COP1: variants seen among roughly 807,000 people sequenced by gnomAD.
The protein encoded by COP1 is E3 ubiquitin-protein ligase COP1.
COP1 carries 24 observed loss-of-function variants against 101.3 expected under a neutral mutation model. That is an observed-to-expected ratio of 0.24 (90% CI 0.17 to 0.33). The LOEUF (loss-of-function observed/expected upper bound fraction) is 0.33, where lower values mean the gene tolerates loss of function less well. Among genes scored for constraint, COP1 ranks in the 10% least tolerant of loss-of-function variants. The pLI, the probability that COP1 is intolerant of heterozygous loss-of-function variation, is 1.00. For synonymous variants in COP1, 347 were observed against 341.9 expected (o/e 1.01, Z -0.17); for missense variants, 663 against 906.2 (o/e 0.73, Z 3.45).
chr1:176,177,273 C>T (rs940930405), intron 2 of COP1, among the ~76,000 whole-genome samples: 1 of 149,744 alleles, frequency 6.7e-6, no homozygotes, highest in African/African-American at 2.5e-5. Context: ...GTGTGCCTCC[C>T]TATTAAAAAA....
intron 5 of COP1, among the ~76,000 whole-genome samples, chr1:176,156,114 T>C (rs1223623771): frequency 6.6e-6 from 1 of 152,112 alleles, no homozygotes; most frequent in Non-Finnish European, 1.5e-5. Context: ...AAAAAAAGTT[T>C]GGTGAGACTT....
intron 18 of COP1, among the ~76,000 whole-genome samples, chr1:175,954,823 C>T (rs1370672514): frequency 6.6e-6 from 1 of 151,760 alleles, no homozygotes; most frequent in Non-Finnish European, 1.5e-5. Flanking sequence ...TGTAAAAAAC[C>T]TTAACAAAAT....
intron 18 of COP1, among the ~76,000 whole-genome samples, chr1:175,975,198 T>C (rs1218612586): frequency 6.6e-6 from 1 of 152,184 alleles, no homozygotes; most frequent in African/African-American, 2.4e-5. Flanking sequence ...AAGTTACCTA[T>C]GCTTTTGATA....
At chr1:175,950,214 T>TAAAAA (rs55821760) in intron 18 of COP1, among the ~76,000 whole-genome samples, 252 of 145,046 alleles carry the variant, frequency 1.7e-3, no homozygotes, top group African/African-American at 6.0e-3. Flanking sequence ...CTTTATGTGT[T>TAAAAA]AAAAAAAAAA....
chr1:176,155,665 TGAAACCCA>T (rs1384960818), intron 5 of COP1, among the ~76,000 whole-genome samples: 1 of 151,878 alleles, frequency 6.6e-6, no homozygotes, highest in Non-Finnish European at 1.5e-5. Context: ...TCTTGTTGCA[TGAAACCCA>T]AGAAGAATAA....
chr1:176,184,829 A>C (rs1452371240), intron 1 of COP1, 137 bp from the exon 2 acceptor site: 1 of 557,864 alleles, frequency 1.8e-6, no homozygotes, highest in Non-Finnish European at 3.1e-6. Flanking sequence ...TCTATCAATA[A>C]GAGATGAAAT....
chr1:176,025,685 T>C (rs1295466211), intron 15 of COP1, among the ~76,000 whole-genome samples: 2 of 151,162 alleles, frequency 1.3e-5, no homozygotes, highest in Non-Finnish European at 3.0e-5. Context: ...AGCCCAGGAG[T>C]TTGAGAACAG....
chr1:175,954,676 C>T (rs1023890631), intron 18 of COP1, among the ~76,000 whole-genome samples: 3 of 151,892 alleles, frequency 2.0e-5, no homozygotes, highest in African/African-American at 4.8e-5. Context: ...TACAAATTCC[C>T]AATTATGACA....
rs367935767 is a variant in COP1 at position 176,206,556 on chromosome 1, T to C, written c.407+16A>G. On this transcript the variant is annotated intron_variant, in intron 1 of 19. Coordinates refer to ENST00000367669, the MANE Select transcript of COP1 (RefSeq NM_022457.7). ...TCATAATTTAGGGACAAGGAGGGAG[T>C]GCTCTTCAAACCCACCATACGAAGT... The C allele has an allele frequency of 4.2e-5, 67 of 1,587,302 alleles. No individual in the cohort carries two copies. The highest frequency in any genetic ancestry group is 5.5e-5 in the Non-Finnish European group (64 of 1,171,750).
chr1:176,046,980 T>G (rs1211997970), intron 11 of COP1, among the ~76,000 whole-genome samples: 1 of 152,136 alleles, frequency 6.6e-6, no homozygotes, highest in Non-Finnish European at 1.5e-5. Flanking sequence ...TCTCCTTTCC[T>G]TCAGCGTTAT....
intron 9 of COP1, among the ~76,000 whole-genome samples, chr1:176,086,141 A>G (rs1680092312): frequency 6.6e-6 from 1 of 152,220 alleles, no homozygotes. Flanking sequence ...TTACAAGACT[A>G]AAATGAGAAA....
At chr1:176,121,431 G>C (rs1400607105) in intron 8 of COP1, among the ~76,000 whole-genome samples, 1 of 152,094 alleles carries the variant, frequency 6.6e-6, no homozygotes, top group African/African-American at 2.4e-5. Flanking sequence ...CGACTAATCT[G>C]TCAACAACAA....
chr1:176,136,671 T>C, intron 6 of COP1, 124 bp from the exon 7 acceptor site: 5 of 592,824 alleles, frequency 8.4e-6, no homozygotes, highest in South Asian at 7.5e-5. Context: ...TTGGCACTAA[T>C]GGCAAATTAA....
At chr1:176,086,968 A>G (rs1680306381) in intron 9 of COP1, among the ~76,000 whole-genome samples, 1 of 152,208 alleles carries the variant, frequency 6.6e-6, no homozygotes, top group Non-Finnish European at 1.5e-5. Context: ...AGCTACAACC[A>G]TTTGATCTTT....
chr1:176,008,693 G>A (rs985336105), intron 15 of COP1, among the ~76,000 whole-genome samples: 3 of 151,990 alleles, frequency 2.0e-5, no homozygotes, highest in Non-Finnish European at 2.9e-5. Context: ...CTGTGGACTC[G>A]GTTCTTCCTC....
intron 2 of COP1, among the ~76,000 whole-genome samples, chr1:176,178,401 T>C (rs1231178060): frequency 1.3e-5 from 2 of 150,884 alleles, no homozygotes; most frequent in African/African-American, 4.9e-5. Context: ...GCATGGCTTA[T>C]GGTTGTAGCT....
intron 15 of COP1, among the ~76,000 whole-genome samples, chr1:175,997,184 C>G (rs1660379239): frequency 6.7e-6 from 1 of 150,058 alleles, no homozygotes; most frequent in Non-Finnish European, 1.5e-5. Context: ...GCTGGGAAAA[C>G]TGGCTAGCCA....
At chr1:176,050,063 A>G (rs1672271481) in intron 11 of COP1, among the ~76,000 whole-genome samples, 1 of 152,234 alleles carries the variant, frequency 6.6e-6, no homozygotes, top group Non-Finnish European at 1.5e-5. Context: ...TTACTGCATG[A>G]CAAATTCAAT....
At chr1:176,113,950 T>TG (rs555576643) in intron 9 of COP1, among the ~76,000 whole-genome samples, 2 of 151,464 alleles carry the variant, frequency 1.3e-5, no homozygotes, top group South Asian at 2.1e-4. Flanking sequence ...GTAGGGTTTT[T>TG]TTTTTTTTTT....
Sources: allele counts gnomAD v4.1 joint callset (sites outside exome capture counted in the v4.1 genomes callset), GRCh38; gene constraint gnomAD v4.1.1; transcripts MANE v1.5; gene names NCBI Gene and HGNC (gene_info 2026-07-23, HGNC 2026-07-21).